DPP6: variants seen among roughly 807,000 people sequenced by gnomAD.
DPP6 encodes dipeptidyl peptidase like 6, also known as A-type potassium channel modulatory protein DPP6.
Under a neutral mutation model 122.6 loss-of-function variants are expected in DPP6, and 69 were observed. The observed-to-expected ratio is 0.56, with a 90% CI of 0.46 to 0.69. The LOEUF (loss-of-function observed/expected upper bound fraction) is 0.69, where lower values mean the gene tolerates loss of function less well. DPP6 is among the 30% of genes least tolerant of loss of function. The pLI is 0.00. For synonymous variants in DPP6, 418 were observed against 433.1 expected (o/e 0.97, Z 0.43); for missense variants, 928 against 1,116.9 (o/e 0.83, Z 2.41).
At chr7:154,132,506 C>G (rs1045145684) in intron 1 of DPP6, among the ~76,000 whole-genome samples, 1 of 152,112 alleles carries the variant, frequency 6.6e-6, no homozygotes, top group African/African-American at 2.4e-5. Flanking sequence ...ACCATCACCT[C>G]CCCTCCCACT....
At chr7:154,288,942 C>A (rs1035749541) in intron 1 of DPP6, among the ~76,000 whole-genome samples, 1 of 152,192 alleles carries the variant, frequency 6.6e-6, no homozygotes, top group East Asian at 1.9e-4. Context: ...CAGACTCTGC[C>A]ATCCTGAGAT....
At chr7:154,518,040 C>G (rs1335525270) in intron 3 of DPP6, among the ~76,000 whole-genome samples, 1 of 152,154 alleles carries the variant, frequency 6.6e-6, no homozygotes, top group Non-Finnish European at 1.5e-5. Context: ...TGCTACGATG[C>G]CTTTGACTGA....
intron 7 of DPP6, among the ~76,000 whole-genome samples, chr7:154,710,384 G>T (rs1489226970): frequency 2.0e-5 from 3 of 152,214 alleles, no homozygotes; most frequent in Non-Finnish European, 2.9e-5. Context: ...GGCAACAAAA[G>T]CAGGAAGTCA....
At chr7:154,206,778 C>G (rs1294056058) in intron 1 of DPP6, among the ~76,000 whole-genome samples, 2 of 152,172 alleles carry the variant, frequency 1.3e-5, no homozygotes, top group South Asian at 2.1e-4. Context: ...CTGCACAATG[C>G]TGGGAATGTA....
At chr7:154,406,356 A>G (rs1319973662) in intron 1 of DPP6, among the ~76,000 whole-genome samples, 3 of 152,178 alleles carry the variant, frequency 2.0e-5, no homozygotes, top group African/African-American at 7.2e-5. Flanking sequence ...TAATAATTTT[A>G]CAACACTGAG....
In DPP6 at chr7:153,908,374, G is replaced by C. The variant is rs945745617; in HGVS notation, c.51+20640G>C. 2.6e-5 allele frequency among the ~76,000 whole-genome samples: 4 copies of C among 152,158 alleles called. No homozygotes were observed. In the East Asian group the frequency reaches 7.8e-4, roughly 30 times the overall value. Reference sequence around the variant, plus strand: ...AAATGGAAAAATTCAGACCACAGCTGGATAGGAACAAAATCCTGAAAACAG... The same window carrying C: ...AAATGGAAAAATTCAGACCACAGCTCGATAGGAACAAAATCCTGAAAACAG... On this transcript the variant is annotated intron_variant, in intron 1 of 25. Coordinates refer to the DPP6 transcript ENST00000404039.
chr7:153,787,290 T>A, the DPP6 span, among the ~76,000 whole-genome samples: 1 of 148,300 alleles, frequency 6.7e-6, no homozygotes, highest in East Asian at 1.9e-4. Context: ...TTGAAAAAAG[T>A]AATTTGGTAA....
intron 5 of DPP6, among the ~76,000 whole-genome samples, chr7:154,608,508 T>G (rs1833714602): frequency 7.2e-6 from 1 of 139,712 alleles, no homozygotes; most frequent in African/African-American, 2.6e-5. Flanking sequence ...TTTTTTTTTT[T>G]GTATTTTTAG....
intron 1 of DPP6, among the ~76,000 whole-genome samples, chr7:154,318,754 C>T (rs79832143): frequency 0.025 from 3,877 of 152,224 alleles, 147 homozygotes; most frequent in African/African-American, 0.089. Context: ...AGTGTAGTAA[C>T]AGTGTAATAG....
chr7:154,287,864 A>G (rs1804956289), intron 1 of DPP6, among the ~76,000 whole-genome samples: 1 of 152,198 alleles, frequency 6.6e-6, no homozygotes, highest in African/African-American at 2.4e-5. Context: ...TTGTCCCCAA[A>G]AGCGGGATGA....
chr7:153,926,209 A>C (rs1800892456), intron 1 of DPP6, among the ~76,000 whole-genome samples: 1 of 152,158 alleles, frequency 6.6e-6, no homozygotes, highest in Non-Finnish European at 1.5e-5. Flanking sequence ...GATCATGTAC[A>C]CCTTTCTATC....
chr7:154,628,888 T>C (rs945382228), intron 5 of DPP6, among the ~76,000 whole-genome samples: 3 of 152,166 alleles, frequency 2.0e-5, no homozygotes, highest in African/African-American at 4.8e-5. Flanking sequence ...ATTCGCGAAG[T>C]ATTTCTGAAA....
intron 1 of DPP6, among the ~76,000 whole-genome samples, chr7:154,294,860 C>G (rs1262673618): frequency 2.6e-5 from 4 of 152,220 alleles, no homozygotes; most frequent in African/African-American, 9.6e-5. Context: ...TGTTCCACAG[C>G]TGGCACCAAA....
intron 1 of DPP6, among the ~76,000 whole-genome samples, chr7:154,300,252 G>A (rs1034159119): frequency 2.0e-5 from 3 of 152,186 alleles, no homozygotes; most frequent in Admixed American, 1.3e-4. Context: ...GAGAAGACCC[G>A]TCTTGGCTGA....
intron 1 of DPP6, among the ~76,000 whole-genome samples, chr7:154,213,977 T>G (rs1403841319): frequency 1.3e-5 from 2 of 152,154 alleles, no homozygotes; most frequent in African/African-American, 4.8e-5. Flanking sequence ...GGGAAGATGG[T>G]CTTTGAGAGT....
chr7:154,581,157 A>G (rs534927673), intron 5 of DPP6, among the ~76,000 whole-genome samples: 1 of 152,296 alleles, frequency 6.6e-6, no homozygotes, highest in South Asian at 2.1e-4. Flanking sequence ...ATTGCAGAGC[A>G]GGAATAAGGG....
chr7:154,509,660 A>G (rs1401806308), intron 3 of DPP6, among the ~76,000 whole-genome samples: 1 of 152,240 alleles, frequency 6.6e-6, no homozygotes, highest in Non-Finnish European at 1.5e-5. Context: ...ATATAACCAT[A>G]TACAACTAAT....
At chr7:154,587,619 A>G in intron 5 of DPP6, 1 of 1,525,248 alleles carries the variant, frequency 6.6e-7, no homozygotes, top group Non-Finnish European at 8.8e-7. Context: ...TGAGCTTTCT[A>G]AAATGATTCT....
chr7:154,803,965 A>G lies in DPP6; in HGVS notation c.1499+10A>G, dbSNP rs1420779620. On this transcript the variant is annotated intron_variant, in intron 14 of 25. Transcript: ENST00000377770. ...AGAAGGGGAATAAGATGTGAGTGAG[A>G]ACCAGGGGCCTGCCCCATCTTACTG... 6.2e-7 allele frequency: 1 copy of G among 1,612,708 alleles called. No homozygotes were observed. The highest frequency in any genetic ancestry group is 1.3e-5 in the African/African-American group (1 of 74,920).
Sources: allele counts gnomAD v4.1 joint callset (sites outside exome capture counted in the v4.1 genomes callset), GRCh38; gene constraint gnomAD v4.1.1; transcripts MANE v1.5; gene names NCBI Gene and HGNC (gene_info 2026-07-23, HGNC 2026-07-21).